BRI3: variants seen among roughly 807,000 people sequenced by gnomAD.
BRI3 encodes the protein brain protein I3.
Under a neutral mutation model 12.8 loss-of-function variants are expected in BRI3, and 6 were observed. The observed-to-expected ratio is 0.47, with a 90% CI of 0.26 to 0.93. BRI3 has a LOEUF of 0.93. BRI3 is among the 40% of genes least tolerant of loss of function. BRI3 has a pLI of 0.15. For missense variants in BRI3, 134 were observed against 171.1 expected (o/e 0.78, Z 1.21); for synonymous variants, 91 against 76.1 (o/e 1.20, Z -1.02).
chr7:98,292,789 C>G, downstream of BRI3: 1 of 1,543,160 alleles, frequency 6.5e-7, no homozygotes, highest in Non-Finnish European at 8.8e-7. Flanking sequence ...GGAGCCGTGA[C>G]TCCGACGCCC....
intron 2 of BRI3, among the ~76,000 whole-genome samples, chr7:98,285,660 G>T (rs76546568): frequency 0.016 from 2,462 of 152,302 alleles, 73 homozygotes; most frequent in African/African-American, 0.056. Flanking sequence ...GCTGGGGTGG[G>T]TGTGGTGGCA....
chr7:98,304,469 T>C (rs2116840937), upstream of BRI3: 2 of 1,255,510 alleles, frequency 1.6e-6, no homozygotes, highest in South Asian at 2.6e-5. Context: ...ACAACAGTAA[T>C]AGTACATCAC....
downstream of BRI3, chr7:98,293,543 C>T (rs150903646): frequency 1.5e-5 from 24 of 1,613,548 alleles, no homozygotes; most frequent in Admixed American, 6.7e-5. Flanking sequence ...GGGTGCCGAG[C>T]GATCATTCGT....
chr7:98,293,598 T>C (rs773960359), downstream of BRI3: 4 of 1,613,140 alleles, frequency 2.5e-6, no homozygotes, highest in Non-Finnish European at 3.4e-6. Context: ...TTTTCTCCGC[T>C]GCAGGGGATA....
chr7:98,285,612 C>T (rs1799685463), intron 2 of BRI3, among the ~76,000 whole-genome samples: 1 of 152,284 alleles, frequency 6.6e-6, no homozygotes, highest in South Asian at 2.1e-4. Context: ...GAGTCTCTGA[C>T]CTTGGGCTCA....
At chr7:98,317,438 G>GT in the BRI3 span, 1 of 1,554,618 alleles carries the variant, frequency 6.4e-7, no homozygotes, top group South Asian at 1.2e-5. Flanking sequence ...CACTTCCACT[G>GT]TGTGTGGCTC....
downstream of BRI3, among the ~76,000 whole-genome samples, chr7:98,312,657 T>A (rs1440621653): frequency 6.6e-6 from 1 of 152,020 alleles, no homozygotes; most frequent in Non-Finnish European, 1.5e-5. Flanking sequence ...AAGCAGCACC[T>A]CCAACACAGG....
At chr7:98,302,470 G>A (rs1363697837), upstream of BRI3, among the ~76,000 whole-genome samples, 1 of 152,188 alleles carries the variant, frequency 6.6e-6, no homozygotes, top group Non-Finnish European at 1.5e-5. Context: ...GTCCACACGT[G>A]CCTCCTCACT....
the BRI3 span, among the ~76,000 whole-genome samples, chr7:98,317,559 C>T: frequency 2.7e-5 from 4 of 150,640 alleles, no homozygotes; most frequent in South Asian, 2.1e-4. Context: ...GCCCACACTT[C>T]GCACCATCCT....
At chr7:98,290,906 G>A (rs1199612956) in intron 2 of BRI3, among the ~76,000 whole-genome samples, 2 of 152,328 alleles carry the variant, frequency 1.3e-5, no homozygotes, top group Middle Eastern at 3.4e-3. Flanking sequence ...TCCATGAACG[G>A]GTACGTGCAG....
chr7:98,284,385 GC>G (rs988791590), intron 2 of BRI3, among the ~76,000 whole-genome samples: 1 of 152,210 alleles, frequency 6.6e-6, no homozygotes, highest in African/African-American at 2.4e-5. Context: ...CATGGGATGG[GC>G]CCCTGTGCCC....
downstream of BRI3, chr7:98,310,501 A>G (rs370678062): frequency 7.5e-6 from 12 of 1,607,584 alleles, no homozygotes; most frequent in African/African-American, 2.7e-5. Context: ...GTTATTAAAC[A>G]TATCGATCAA....
chr7:98,286,265 C>T (rs1379619177), intron 2 of BRI3, among the ~76,000 whole-genome samples: 3 of 152,226 alleles, frequency 2.0e-5, no homozygotes, highest in African/African-American at 7.2e-5. Context: ...GCTGCCAGCC[C>T]CCTCTGTCCT....
intron 1 of BRI3, 151 bp from the exon 2 acceptor site, chr7:98,282,200 C>T (rs1799542478): frequency 2.4e-6 from 2 of 835,248 alleles, no homozygotes; most frequent in Non-Finnish European, 3.7e-6. Context: ...GGCAGATTAG[C>T]GCCGAATCAG....
At chr7:98,285,238 G>A (rs1458737455) in intron 2 of BRI3, among the ~76,000 whole-genome samples, 1 of 152,176 alleles carries the variant, frequency 6.6e-6, no homozygotes, top group South Asian at 2.1e-4. Context: ...AGTGGCCAGC[G>A]TGGAGGCTGC....
rs979069467 is a variant in BRI3 at position 98,282,362 on chromosome 7, C to G, written c.154C>G (p.His52Asp). The G allele has an allele frequency of 3.1e-6, 5 of 1,613,956 alleles. No individual in the cohort carries two copies. Among genetic ancestry groups the G allele is most frequent in the Middle Eastern group, 1.7e-4 (1 of 6,060 alleles). Residue 52 changes from histidine to aspartate, a missense_variant, in exon 2 of 3, where the codon CAC becomes GAC. By Grantham distance (81) the His-to-Asp change is moderately conservative. Coordinates refer to ENST00000297290, the MANE Select transcript of BRI3 (RefSeq NM_015379.5). ...TTTCCCGCCCACAGGGATACCCACCCACCATCCCAGGGTCTACAACATCCA... is the reference window on the plus strand; with the variant it reads ...TTTCCCGCCCACAGGGATACCCACCGACCATCCCAGGGTCTACAACATCCA... ...YPYLVTGIPTHHPRVYNIHSR... is the reference protein window; with the variant it reads ...YPYLVTGIPTDHPRVYNIHSR...
chr7:98,284,287 C>T (rs1187172316), intron 2 of BRI3, among the ~76,000 whole-genome samples: 1 of 152,230 alleles, frequency 6.6e-6, no homozygotes, highest in African/African-American at 2.4e-5. Flanking sequence ...CCTCCCAGCA[C>T]ACACGTCCCT....
downstream of BRI3, among the ~76,000 whole-genome samples, chr7:98,295,104 G>A (rs1434539706): frequency 1.3e-5 from 2 of 152,218 alleles, no homozygotes; most frequent in African/African-American, 2.4e-5. Context: ...CAGGGAGCAC[G>A]CAGACCTCTC....
chr7:98,311,302 G>T (rs893805035), downstream of BRI3, among the ~76,000 whole-genome samples: 1 of 152,088 alleles, frequency 6.6e-6, no homozygotes, highest in African/African-American at 2.4e-5. Flanking sequence ...CCAGCACTTT[G>T]GGAGGCCGAG....
Sources: allele counts gnomAD v4.1 joint callset (sites outside exome capture counted in the v4.1 genomes callset), GRCh38; gene constraint gnomAD v4.1.1; transcripts MANE v1.5; gene names NCBI Gene and HGNC (gene_info 2026-07-23, HGNC 2026-07-21).